Variants in E2F3 observed in about 807,000 individuals in gnomAD.
E2F3 encodes E2F transcription factor 3, also known as transcription factor E2F3.
A neutral mutation model predicts 44.4 loss-of-function variants in E2F3; 11 were observed. The ratio of observed to expected loss-of-function variants is 0.25; its 90% CI spans 0.16 to 0.41. The LOEUF (loss-of-function observed/expected upper bound fraction) is 0.41, where lower values mean the gene tolerates loss of function less well. Among genes scored for constraint, E2F3 ranks in the 10% least tolerant of loss-of-function variants. The pLI is 1.00. For missense variants in E2F3, 487 were observed against 583.6 expected, an observed-to-expected ratio of 0.83 and a Z score of 1.70; for synonymous variants, 249 against 253.0, an observed-to-expected ratio of 0.98 and a Z score of 0.15.
chr6:20,488,084 A>T (rs770370817), intron 5 of E2F3, 29 bp from the exon 6 acceptor site: 5 of 1,609,266 alleles, frequency 3.1e-6, no homozygotes, highest in Non-Finnish European at 4.2e-6. Flanking sequence ...AGAACTTCTG[A>T]TTCGAACTTC....
At chr6:20,423,573 C>A (rs563434818) in intron 1 of E2F3, among the ~76,000 whole-genome samples, 44 of 152,102 alleles carry the variant, frequency 2.9e-4, no homozygotes, top group African/African-American at 9.9e-4. Context: ...TGGGTTCAAC[C>A]GATTCTCCTG....
intron 1 of E2F3, among the ~76,000 whole-genome samples, chr6:20,423,478 C>CTTTT (rs903469172): frequency 6.6e-6 from 1 of 151,476 alleles, no homozygotes; most frequent in African/African-American, 2.4e-5. Context: ...CATTACAGTG[C>CTTTT]TTTTTTTTTG....
chr6:20,472,970 G>A (rs887651899), intron 1 of E2F3, among the ~76,000 whole-genome samples: 3 of 152,174 alleles, frequency 2.0e-5, no homozygotes, highest in Admixed American at 1.3e-4. Flanking sequence ...AGAAAAGTGT[G>A]TGTTTTGCTA....
chr6:20,468,883 G>T (rs1026375565), intron 1 of E2F3, among the ~76,000 whole-genome samples: 1 of 152,228 alleles, frequency 6.6e-6, no homozygotes, highest in Non-Finnish European at 1.5e-5. Context: ...TCAAGTGACA[G>T]ATGTTCACCT....
intron 1 of E2F3, among the ~76,000 whole-genome samples, chr6:20,467,145 A>G (rs1169038292): frequency 1.3e-5 from 2 of 152,164 alleles, no homozygotes. Flanking sequence ...GAGCAAGTAC[A>G]TCTCATAAGG....
rs1397080640 is a variant in E2F3 at position 20,492,395 on chromosome 6, T to C, written c.*1965T>C. 4.3e-6 allele frequency: 1 copy of C among 233,714 alleles called. No individual in the cohort carries two copies. The allele number at this position is 233,714 out of a possible 1,614,324, so 14.5% of individuals were successfully genotyped here. On this transcript the variant is annotated 3_prime_UTR_variant, in exon 7 of 7. Transcript: ENST00000346618. The stretch of plus-strand genomic sequence containing the variant: ...CACACACTGGACTTGGTACAAAATG[T>C]CGGTGTGGTCCTAGATGAAGCATTG...
chr6:20,458,617 C>T (rs1162950481), intron 1 of E2F3, among the ~76,000 whole-genome samples: 4 of 152,190 alleles, frequency 2.6e-5, no homozygotes, highest in East Asian at 1.9e-4. Context: ...TGTAACTTTA[C>T]TCACTCTCCA....
At chr6:20,429,030 C>T (rs968069699) in intron 1 of E2F3, among the ~76,000 whole-genome samples, 5 of 152,118 alleles carry the variant, frequency 3.3e-5, no homozygotes, top group Admixed American at 1.3e-4. Context: ...ATTTTCGTAA[C>T]TGGGAGTGGG....
chr6:20,433,045 G>A (rs139704022), intron 1 of E2F3, among the ~76,000 whole-genome samples: 220 of 152,278 alleles, frequency 1.4e-3, no homozygotes, highest in Non-Finnish European at 2.2e-3. Flanking sequence ...ACCATCTGCA[G>A]TTAGACTCTT....
At chr6:20,403,803 C>G in intron 1 of E2F3, 5 of 1,497,866 alleles carry the variant, frequency 3.3e-6, no homozygotes, top group South Asian at 1.2e-5. Flanking sequence ...CGGAGCCAGG[C>G]TGGTTTCGGA....
chr6:20,438,888 A>T (rs1353135801), intron 1 of E2F3, among the ~76,000 whole-genome samples: 1 of 152,120 alleles, frequency 6.6e-6, no homozygotes, highest in Non-Finnish European at 1.5e-5. Flanking sequence ...GCTGGTTTCC[A>T]TTTTCAAACA....
At chr6:20,428,589 C>T (rs1208651284) in intron 1 of E2F3, among the ~76,000 whole-genome samples, 2 of 152,066 alleles carry the variant, frequency 1.3e-5, no homozygotes, top group African/African-American at 2.4e-5. Context: ...GGGAAGGGAG[C>T]GGCTGAATGA....
chr6:20,408,164 G>A (rs1759552357), intron 1 of E2F3, among the ~76,000 whole-genome samples: 1 of 152,188 alleles, frequency 6.6e-6, no homozygotes, highest in Admixed American at 6.5e-5. Context: ...AGATAACTGG[G>A]AAAGCAGTAA....
At position 20,482,758 on chromosome 6, in the gene E2F3, C is replaced by T. The variant is rs761905635; in HGVS notation, c.726-4C>T. 7.5e-6 allele frequency: 12 copies of T among 1,596,048 alleles called. No individual in the cohort carries two copies. Among genetic ancestry groups the T allele is most frequent in the Admixed American group, 5.2e-5 (3 of 57,802 alleles). The stretch of plus-strand genomic sequence containing the variant: ...CCATGAAGAGTCTGTGTTTGGGTTT[C>T]TAGGGGCTGCAGTCTGTCTGAGGAT... On this transcript the variant is annotated splice_region_variant and splice_polypyrimidine_tract_variant and intron_variant, in intron 3 of 6. Coordinates refer to ENST00000346618, the MANE Select transcript of E2F3 (RefSeq NM_001949.5).
chr6:20,416,566 T>G (rs530355651), intron 1 of E2F3, among the ~76,000 whole-genome samples: 3 of 152,178 alleles, frequency 2.0e-5, no homozygotes, highest in Non-Finnish European at 4.4e-5. Flanking sequence ...TGGGAACTTG[T>G]TAGAAATGAA....
chr6:20,476,733 G>A (rs1257889624), intron 1 of E2F3, among the ~76,000 whole-genome samples: 3 of 152,212 alleles, frequency 2.0e-5, no homozygotes, highest in African/African-American at 4.8e-5. Context: ...GCCAGGCCTG[G>A]ATCACCTGTG....
chr6:20,427,659 A>G (rs529815157), intron 1 of E2F3, among the ~76,000 whole-genome samples: 1 of 152,150 alleles, frequency 6.6e-6, no homozygotes, highest in Non-Finnish European at 1.5e-5. Flanking sequence ...GTGACTGCCC[A>G]TTCTGCCGGC....
chr6:20,489,412 A>G lies in E2F3; in HGVS notation c.1136-756A>G, dbSNP rs183426113. ...CAGGAGTTCGAGGTTAGAGTGAGCT[A>G]TGCTTGCCTGTGAATAGCCACTACA... On this transcript the variant is annotated intron_variant, in intron 6 of 6. Coordinates refer to ENST00000346618, the MANE Select transcript of E2F3 (RefSeq NM_001949.5). 2.8e-4 allele frequency among the ~76,000 whole-genome samples: 43 copies of G among 152,120 alleles called. No individual in the cohort carries two copies. In the East Asian group the frequency reaches 7.0e-3, roughly 25 times the overall value.
At chr6:20,423,217 A>G (rs1760085816) in intron 1 of E2F3, among the ~76,000 whole-genome samples, 1 of 152,210 alleles carries the variant, frequency 6.6e-6, no homozygotes, top group Non-Finnish European at 1.5e-5. Flanking sequence ...CATAGAGAGT[A>G]CTTACACAAA....
Sources: gnomAD v4.1 joint callset for allele counts (sites outside exome capture counted in the v4.1 genomes callset) on GRCh38, gnomAD v4.1.1 for gene constraint, MANE v1.5 for transcripts, NCBI Gene and HGNC (gene_info 2026-07-23, HGNC 2026-07-21) for gene names.